Variants in VPS36 observed in about 807,000 individuals in gnomAD.
VPS36 encodes the protein vacuolar protein-sorting-associated protein 36.
In VPS36, 31 loss-of-function variants were observed where a neutral mutation model predicts 63.5. That is an observed-to-expected ratio of 0.49 (90% CI 0.37 to 0.66). VPS36 has a LOEUF of 0.66. Ranked by LOEUF, VPS36 falls within the 30% of genes least tolerant of loss-of-function variation. The pLI, the probability that VPS36 is intolerant of heterozygous loss-of-function variation, is 0.00. For missense variants in VPS36, 338 were observed against 463.7 expected, an observed-to-expected ratio of 0.73 and a Z score of 2.49; for synonymous variants, 138 against 157.2, an observed-to-expected ratio of 0.88 and a Z score of 0.91.
chr13:52,442,697 A>G (rs1489172216), intron 1 of VPS36, among the ~76,000 whole-genome samples: 2 of 152,236 alleles, frequency 1.3e-5, no homozygotes, highest in South Asian at 4.1e-4. Flanking sequence ...AATGCATGCA[A>G]AGGTTAAAAA....
intron 9 of VPS36, 69 bp downstream of exon 9, chr13:52,425,863 T>C (rs998094683): frequency 6.8e-7 from 1 of 1,472,172 alleles, no homozygotes; most frequent in Non-Finnish European, 9.1e-7. Context: ...TATGCTCTTG[T>C]TAACATTTCT....
chr13:52,428,283 A>G (rs1958123586), intron 6 of VPS36, among the ~76,000 whole-genome samples: 1 of 152,182 alleles, frequency 6.6e-6, no homozygotes, highest in African/African-American at 2.4e-5. Context: ...ATTGATGCAT[A>G]CAGATGTTAT....
chr13:52,441,534 C>T (rs532567280), intron 2 of VPS36, among the ~76,000 whole-genome samples: 1 of 152,092 alleles, frequency 6.6e-6, no homozygotes, highest in Non-Finnish European at 1.5e-5. Context: ...GGGCAGATCA[C>T]GAGGTCAGGA....
chr13:52,435,959 C>T (rs1176137460), intron 4 of VPS36: 1 of 194,966 alleles, frequency 5.1e-6, no homozygotes, highest in Non-Finnish European at 1.1e-5. Flanking sequence ...CAACATACCA[C>T]TGCATTTACA....
At position 52,420,678 on chromosome 13, in the gene VPS36, C is replaced by G. The variant is rs116211543; in HGVS notation, c.841-2622G>C. ...ACTACAAAAGTGGAATTGGAATGTTCCTAACACAAAGGAATGATAAACACT... is the reference window on the plus strand; with the variant it reads ...ACTACAAAAGTGGAATTGGAATGTTGCTAACACAAAGGAATGATAAACACT... On this transcript the variant is annotated intron_variant, in intron 10 of 13. Transcript: ENST00000378060. Among the ~76,000 whole-genome samples the G allele has an allele frequency of 7.4e-3, 1,125 of 152,160 alleles. 6 individuals are homozygous for G. Among genetic ancestry groups the G allele is most frequent in the African/African-American group, 0.017 (701 of 41,536 alleles).
At chr13:52,416,147 A>G in intron 12 of VPS36, 54 bp from the exon 13 acceptor site, 2 of 1,559,238 alleles carry the variant, frequency 1.3e-6, no homozygotes, top group Non-Finnish European at 1.8e-6. Context: ...ACACTAATTT[A>G]AACACACTCT....
At chr13:52,446,687 G>A (rs1040000338) in intron 1 of VPS36, among the ~76,000 whole-genome samples, 1 of 151,594 alleles carries the variant, frequency 6.6e-6, no homozygotes, top group Non-Finnish European at 1.5e-5. Context: ...AATATTTAGA[G>A]CCTGAAAAAG....
Position 52,415,727 on chromosome 13 carries a change from C to G in VPS36, c.*103G>C. The G allele has an allele frequency of 9.4e-7, 1 of 1,068,962 alleles. No individual in the cohort carries two copies. The highest frequency in any genetic ancestry group is 1.4e-5 in the South Asian group (1 of 69,942). 66.2% of individuals were successfully genotyped at this position (1,068,962 alleles called of 1,614,324 possible). A position where few individuals can be genotyped will look rare whatever the true frequency, so the allele number is the denominator to read the frequency against. On this transcript the variant is annotated 3_prime_UTR_variant, in exon 14 of 14. Coordinates refer to ENST00000378060, the MANE Select transcript of VPS36 (RefSeq NM_016075.4). ...GAGATTTACATTGCACTGTGAAGTT[C>G]CAATAAATTCTCAATTGATCGGGGT... is the stretch of plus-strand genomic sequence containing the variant.
chr13:52,436,936 A>G (rs779648903), intron 3 of VPS36, among the ~76,000 whole-genome samples: 65 of 152,322 alleles, frequency 4.3e-4, no homozygotes, highest in Non-Finnish European at 9.0e-4. Flanking sequence ...AACAAAAACA[A>G]TTCCCAAAAT....
At chr13:52,443,864 C>A (rs567949962) in intron 1 of VPS36, among the ~76,000 whole-genome samples, 5 of 152,144 alleles carry the variant, frequency 3.3e-5, no homozygotes, top group African/African-American at 1.2e-4. Flanking sequence ...ATAAATTAAA[C>A]CCCTGTGTTT....
intron 2 of VPS36, 54 bp from the exon 3 acceptor site, chr13:52,439,222 T>A: frequency 6.6e-7 from 1 of 1,508,058 alleles, no homozygotes; most frequent in Non-Finnish European, 9.1e-7. Flanking sequence ...TCCATAACAC[T>A]TGTCAGAAAT....
chr13:52,417,200 A>G (rs762168571), intron 11 of VPS36, 59 bp from the exon 12 acceptor site: 1 of 1,449,622 alleles, frequency 6.9e-7, no homozygotes, highest in Non-Finnish European at 9.7e-7. Flanking sequence ...CAACTGCTGA[A>G]AAGGAGGACA....
In VPS36 at chr13:52,419,491, C is replaced by T. The variant is rs113504553; in HGVS notation, c.841-1435G>A. ...TATATTAAAGGTAAGAAAACTAGCTCCCTAAATGCTGGCAAGGATGTGGGG... is the reference window on the plus strand; with the variant it reads ...TATATTAAAGGTAAGAAAACTAGCTTCCTAAATGCTGGCAAGGATGTGGGG... On this transcript the variant is annotated intron_variant, in intron 10 of 13. Transcript: ENST00000378060. Among the ~76,000 whole-genome samples, 763 of 152,248 alleles carry T rather than the reference C, an allele frequency of 5.0e-3. 6 individuals are homozygous for T. The highest frequency in any genetic ancestry group is 0.017 in the African/African-American group (694 of 41,540).
intron 10 of VPS36, among the ~76,000 whole-genome samples, chr13:52,421,979 C>T (rs1038964937): frequency 1.3e-5 from 2 of 152,110 alleles, no homozygotes; most frequent in African/African-American, 2.4e-5. Context: ...GTTTTAGGAA[C>T]ATTTCAAGTC....
chr13:52,443,552 A>C (rs912185072), intron 1 of VPS36, among the ~76,000 whole-genome samples: 2 of 152,090 alleles, frequency 1.3e-5, no homozygotes, highest in Non-Finnish European at 1.5e-5. Flanking sequence ...CAAGAACCAA[A>C]TCTGCCAGCA....
intron 10 of VPS36, among the ~76,000 whole-genome samples, chr13:52,419,115 C>A (rs1958021719): frequency 1.3e-5 from 2 of 152,204 alleles, no homozygotes; most frequent in Non-Finnish European, 2.9e-5. Context: ...CTAATGGCAG[C>A]TATGATCAGC....
In VPS36 at chr13:52,418,049, G is replaced by T; in HGVS notation, c.848C>A (p.Ser283Ter). ...GCACGCATTCACTAAATCTTCTGGT[G>T]AGAGCAACTAATAGGGAAAAAAAAT... ...VNRARGMELL[S>*]PEDLVNACKM... The change falls in exon 11 of 14, where the codon TCA (serine) becomes TAA (stop). Residue 283 changes from serine to a stop codon, truncating the protein, a stop_gained. Transcript: ENST00000378060. LOFTEE classifies it high-confidence loss of function. 1.2e-6 allele frequency: 2 copies of T among 1,611,286 alleles called. No individual in the cohort carries two copies. Among genetic ancestry groups the T allele is most frequent in the Non-Finnish European group, 1.7e-6 (2 of 1,178,868 alleles).
intron 3 of VPS36, among the ~76,000 whole-genome samples, 187 bp downstream of exon 3, chr13:52,438,911 A>G (rs1958245503): frequency 6.6e-6 from 1 of 152,250 alleles, no homozygotes; most frequent in Non-Finnish European, 1.5e-5. Flanking sequence ...ACGGAAAGAC[A>G]ATGATAACTG....
rs140039960 is a variant in VPS36, at chr13:52,434,872, C to T, written c.362G>A (p.Arg121His). Residue 121 changes from arginine to histidine, a missense_variant, in exon 5 of 14, where the codon CGT becomes CAT. Transcript: ENST00000378060. ...KEHGQIEFYRRLSEEMTQRRW... is the reference protein window; with the variant it reads ...KEHGQIEFYRHLSEEMTQRRW... ...TCTTTGTGTCATTTCCTCTGATAAA[C>T]GCCTGTAAAACTGATACGCAAATAA... 56 of 1,613,586 alleles carry T rather than the reference C, an allele frequency of 3.5e-5. No homozygotes were observed. Among genetic ancestry groups the T allele is most frequent in the Middle Eastern group, 1.6e-4 (1 of 6,082 alleles).
Sources: allele counts gnomAD v4.1 joint callset (sites outside exome capture counted in the v4.1 genomes callset), GRCh38; gene constraint gnomAD v4.1.1; transcripts MANE v1.5; gene names NCBI Gene and HGNC (gene_info 2026-07-23, HGNC 2026-07-21).